DERA: variants seen among roughly 807,000 people sequenced by gnomAD.
DERA encodes the protein deoxyribose-phosphate aldolase, also known as 2-deoxy-D-ribose 5-phosphate aldolase.
A neutral mutation model predicts 41.1 loss-of-function variants in DERA; 15 were observed. The ratio of observed to expected loss-of-function variants is 0.37; its 90% CI spans 0.24 to 0.56. The LOEUF (loss-of-function observed/expected upper bound fraction) is 0.56, where lower values mean the gene tolerates loss of function less well. Among genes scored for constraint, DERA ranks in the 20% least tolerant of loss-of-function variants. The probability of loss-of-function intolerance (pLI) is 0.81; values close to 1 mark genes in which losing one functional copy is unlikely to be tolerated. For missense variants in DERA, 396 were observed against 403.4 expected, an observed-to-expected ratio of 0.98 and a Z score of 0.16; for synonymous variants, 139 against 137.4, an observed-to-expected ratio of 1.01 and a Z score of -0.08.
In DERA at chr12:15,976,719, C is replaced by G. The variant is rs1234557811; in HGVS notation, c.509-5589C>G. 6.6e-6 allele frequency among the ~76,000 whole-genome samples: 1 copy of G among 152,146 alleles called. No individual in the cohort carries two copies. Among genetic ancestry groups the G allele is most frequent in the Non-Finnish European group, 1.5e-5 (1 of 68,028 alleles). ...GAAGGAAAAATGATTGATTACCTTCCTAACCGTTTTAATACTTTTATATTT... is the reference window on the plus strand; with the variant it reads ...GAAGGAAAAATGATTGATTACCTTCGTAACCGTTTTAATACTTTTATATTT... On this transcript the variant is annotated intron_variant, in intron 5 of 8. Transcript: ENST00000428559. The surrounding 1 kb of genome is among the most constrained non-coding windows in gnomAD (Gnocchi z 4.1).
chr12:15,930,551 C>G (rs868051668), intron 1 of DERA, among the ~76,000 whole-genome samples: 1 of 152,202 alleles, frequency 6.6e-6, no homozygotes, highest in African/African-American at 2.4e-5. Context: ...TAATCATAGA[C>G]AAGTGTTCAT....
intron 4 of DERA, among the ~76,000 whole-genome samples, chr12:15,961,667 A>G (rs973722361): frequency 2.6e-5 from 4 of 152,228 alleles, no homozygotes; most frequent in Non-Finnish European, 4.4e-5. Context: ...ATTTTTCATC[A>G]GCCTCAGTCA....
intron 6 of DERA, among the ~76,000 whole-genome samples, chr12:16,018,024 C>T (rs947568195): frequency 9.9e-5 from 15 of 152,126 alleles, no homozygotes; most frequent in Non-Finnish European, 1.5e-5. Flanking sequence ...TTTTTAAGAT[C>T]TTACTAGTAA....
intron 6 of DERA, among the ~76,000 whole-genome samples, chr12:15,991,046 A>T (rs1232037238): frequency 6.6e-6 from 1 of 152,102 alleles, no homozygotes; most frequent in Non-Finnish European, 1.5e-5. Context: ...GTTTTCCATG[A>T]TGGCTGAACT....
chr12:15,935,374 C>T lies in DERA; in HGVS notation c.32-21562C>T, dbSNP rs899112723. On this transcript the variant is annotated intron_variant, in intron 1 of 8. Coordinates refer to ENST00000428559, the MANE Select transcript of DERA (RefSeq NM_015954.4). This position sits in a 1 kb window ranked among gnomAD's most constrained non-coding sequence, Gnocchi z 4.8. ...TGGTGGCATCCACCTGTAGTCCTAC[C>T]TACTTGGGAGGCTGAGCTGGGAGGA... Among the ~76,000 whole-genome samples the T allele has an allele frequency of 4.6e-5, 7 of 152,014 alleles. No homozygotes were observed. Among genetic ancestry groups the T allele is most frequent in the African/African-American group, 1.7e-4 (7 of 41,368 alleles).
At chr12:15,956,109 G>C (rs1399464140) in intron 1 of DERA, among the ~76,000 whole-genome samples, 2 of 152,236 alleles carry the variant, frequency 1.3e-5, no homozygotes, top group Admixed American at 6.5e-5. Context: ...AATGTACTAA[G>C]TACAACGAAT....
At position 15,922,296 on chromosome 12, in the gene DERA, A is replaced by G. The variant is rs1948250097; in HGVS notation, c.31+10882A>G. Among the ~76,000 whole-genome samples, 1 of 152,206 alleles carries G rather than the reference A, an allele frequency of 6.6e-6. No individual in the cohort carries two copies. Among genetic ancestry groups the G allele is most frequent in the Admixed American group, 6.5e-5 (1 of 15,288 alleles). On this transcript the variant is annotated intron_variant, in intron 1 of 8. Coordinates refer to ENST00000428559, the MANE Select transcript of DERA (RefSeq NM_015954.4). This position sits in a 1 kb window ranked among gnomAD's most constrained non-coding sequence, Gnocchi z 4.9. ...GAAATGATTAGCCAGTCAACATTGT[A>G]TTATTAACCTTTAGATAATCATTTA...
chr12:16,016,636 C>CA lies in DERA; in HGVS notation c.638-15899dup, dbSNP rs1291187254. Among the ~76,000 whole-genome samples, 6 of 151,092 alleles carry CA rather than the reference C, an allele frequency of 4.0e-5. No individual in the cohort carries two copies. In the East Asian group the frequency reaches 5.9e-4, roughly 15 times the overall value. ...ACAACATGGTAAAACCCCATCTCTACAAAAAAATTAGCTGGTGTGGTGCTG... is the reference window on the plus strand; with the variant it reads ...ACAACATGGTAAAACCCCATCTCTACAAAAAAAATTAGCTGGTGTGGTGCTG... On this transcript the variant is annotated intron_variant, in intron 6 of 8. Coordinates refer to ENST00000428559, the MANE Select transcript of DERA (RefSeq NM_015954.4).
chr12:15,967,071 C>T lies in DERA; in HGVS notation c.508+4124C>T, dbSNP rs551801510. 9.2e-4 allele frequency among the ~76,000 whole-genome samples: 140 copies of T among 152,074 alleles called. No homozygotes were observed. Among genetic ancestry groups the T allele is most frequent in the African/African-American group, 3.0e-3 (124 of 41,464 alleles). On this transcript the variant is annotated intron_variant, in intron 5 of 8. Transcript: ENST00000428559. The surrounding 1 kb of genome is among the most constrained non-coding windows in gnomAD (Gnocchi z 4.9). ...TATTTTGGAAATAAATCTATTAGGC[C>T]GGGCACAGTGGCTTATGCCTGTAAT... is the stretch of plus-strand genomic sequence containing the variant.
At position 16,030,028 on chromosome 12, in the gene DERA, T is replaced by G. The variant is rs1408849757; in HGVS notation, c.638-2514T>G. Among the ~76,000 whole-genome samples, 4 of 144,212 alleles carry G rather than the reference T, an allele frequency of 2.8e-5. No homozygotes were observed. The Admixed American group carries it at 2.9e-4, about 11-fold the overall frequency. The allele number at this position is 144,212 out of a possible 152,430, so 94.6% of individuals were successfully genotyped here. A position where few individuals can be genotyped will look rare whatever the true frequency, so the allele number is the denominator to read the frequency against. ...ACCTCCACCTCCCAGGTTCAAGCAG[T>G]TCTCTTGCCTCAGCCTCCCGAGTAG... On this transcript the variant is annotated intron_variant, in intron 6 of 8. Coordinates refer to ENST00000428559, the MANE Select transcript of DERA (RefSeq NM_015954.4).
At position 15,936,114 on chromosome 12, in the gene DERA, T is replaced by C. The variant is rs902923634; in HGVS notation, c.32-20822T>C. Among the ~76,000 whole-genome samples the C allele has an allele frequency of 6.6e-6, 1 of 152,198 alleles. No individual in the cohort carries two copies. The highest frequency in any genetic ancestry group is 2.4e-5 in the African/African-American group (1 of 41,442). ...CCACCATGTGTTTTCTTACCAAATA[T>C]TGAAGTCACACGTGGGTATTTCCAC... On this transcript the variant is annotated intron_variant, in intron 1 of 8. Coordinates refer to ENST00000428559, the MANE Select transcript of DERA (RefSeq NM_015954.4). This position sits in a 1 kb window ranked among gnomAD's most constrained non-coding sequence, Gnocchi z 4.6.
intron 1 of DERA, among the ~76,000 whole-genome samples, chr12:15,929,094 C>T (rs757129706): frequency 6.6e-6 from 1 of 152,188 alleles, no homozygotes. Flanking sequence ...AAGCTTGTGT[C>T]CCTGTGGAGC....
chr12:15,961,144 T>C (rs1313539428), intron 4 of DERA, among the ~76,000 whole-genome samples: 1 of 152,120 alleles, frequency 6.6e-6, no homozygotes, highest in Non-Finnish European at 1.5e-5. Context: ...TAGGGGAGAC[T>C]TGTCACAGTA....
At chr12:15,956,121 G>T (rs952141445) in intron 1 of DERA, among the ~76,000 whole-genome samples, 1 of 152,198 alleles carries the variant, frequency 6.6e-6, no homozygotes, top group Non-Finnish European at 1.5e-5. Context: ...ACAACGAATG[G>T]TTTCACCAGG....
rs570484070 is a variant in DERA, at chr12:15,918,458, G to A, written c.31+7044G>A. Among the ~76,000 whole-genome samples, 64 of 152,220 alleles carry A rather than the reference G, an allele frequency of 4.2e-4. 2 individuals are homozygous for A. The South Asian group carries it at 0.013, about 31-fold the overall frequency. ...CATAGTGGTGCCCCCATTTCAACCC[G>A]GCTTGAATGACTACGTTGTTCACCT... On this transcript the variant is annotated intron_variant, in intron 1 of 8. Transcript: ENST00000428559. The surrounding 1 kb of genome is among the most constrained non-coding windows in gnomAD (Gnocchi z 4.3).
chr12:15,951,017 T>A (rs2136142849), intron 1 of DERA, among the ~76,000 whole-genome samples: 1 of 152,328 alleles, frequency 6.6e-6, no homozygotes, highest in East Asian at 1.9e-4. Context: ...CTTGTGTAAG[T>A]CTTGACTTTG....
In DERA at chr12:15,911,552, T is replaced by C. The variant is rs1432814076; in HGVS notation, c.31+138T>C. ...CGCTGGGGCGGGAAGCAGTGGCGTC[T>C]GGTCAGCCCTCACCCCAAGTAAAGG... is the stretch of plus-strand genomic sequence containing the variant. On this transcript the variant is annotated intron_variant, in intron 1 of 8. Coordinates refer to ENST00000428559, the MANE Select transcript of DERA (RefSeq NM_015954.4). This position sits in a 1 kb window ranked among gnomAD's most constrained non-coding sequence, Gnocchi z 4.5. The C allele has an allele frequency of 1.1e-5, 10 of 876,764 alleles. No homozygotes were observed. Among genetic ancestry groups the C allele is most frequent in the Non-Finnish European group, 1.5e-5 (9 of 581,760 alleles). 54.3% of individuals were successfully genotyped at this position (876,764 alleles called of 1,614,324 possible).
At chr12:15,955,365 G>A (rs1948530515) in intron 1 of DERA, among the ~76,000 whole-genome samples, 1 of 151,812 alleles carries the variant, frequency 6.6e-6, no homozygotes, top group Admixed American at 6.6e-5. Context: ...AGATAAATTG[G>A]GACGAAGTCT....
chr12:15,997,473 C>T (rs777727603), intron 6 of DERA, among the ~76,000 whole-genome samples: 7 of 151,994 alleles, frequency 4.6e-5, no homozygotes, highest in Admixed American at 6.6e-5. Context: ...AAATGAAGGG[C>T]CCTGCGTGTT....
Sources: allele counts gnomAD v4.1 joint callset (sites outside exome capture counted in the v4.1 genomes callset), GRCh38; gene constraint gnomAD v4.1.1; non-coding constraint Gnocchi (gnomAD v3.1); transcripts MANE v1.5; gene names NCBI Gene and HGNC (gene_info 2026-07-23, HGNC 2026-07-21).